The following OPA1 variants were observed in gnomAD, a reference collection of about 807,000 sequenced individuals.
The protein encoded by OPA1 is OPA1 mitochondrial dynamin like GTPase.
Under a neutral mutation model 152.9 loss-of-function variants are expected in OPA1, and 59 were observed. The ratio of observed to expected loss-of-function variants is 0.39; its 90% CI spans 0.31 to 0.48. The LOEUF (loss-of-function observed/expected upper bound fraction) is 0.48, where lower values mean the gene tolerates loss of function less well. OPA1 is among the 20% of genes least tolerant of loss of function. OPA1 has a pLI of 0.96. For synonymous variants in OPA1, 400 were observed against 389.9 expected (o/e 1.03, Z -0.31); for missense variants, 1,008 against 1,216.8 (o/e 0.83, Z 2.55).
Position 193,681,534 on chromosome 3 carries a change from G to GTA in OPA1, c.2984-10528_2984-10527dup, listed in dbSNP as rs1318009983. ...CAAAGTGCATGCTCAAGGGTTCTAC[G>GTA]TACAGGCAGACCTCATTGTATTGCA... On this transcript the variant is annotated intron_variant, in intron 29 of 30. Transcript: ENST00000361510. Among the ~76,000 whole-genome samples the GTA allele has an allele frequency of 2.0e-5, 3 of 152,144 alleles. No homozygotes were observed. In the East Asian group the frequency reaches 5.8e-4, roughly 29 times the overall value.
At chr3:193,606,182 G>A (rs1319877607) in intron 1 of OPA1, among the ~76,000 whole-genome samples, 3 of 151,636 alleles carry the variant, frequency 2.0e-5, no homozygotes, top group Non-Finnish European at 4.4e-5. Context: ...GACATCTTGG[G>A]GTAAAGAAAT....
chr3:193,653,594 T>C (rs1453600523), intron 21 of OPA1, among the ~76,000 whole-genome samples: 1 of 152,208 alleles, frequency 6.6e-6, no homozygotes, highest in Non-Finnish European at 1.5e-5. Context: ...TAAGATGTCT[T>C]TCAAGGCAGA....
At chr3:193,684,117 G>A (rs1020733847) in intron 29 of OPA1, among the ~76,000 whole-genome samples, 5 of 152,116 alleles carry the variant, frequency 3.3e-5, no homozygotes, top group African/African-American at 1.2e-4. Flanking sequence ...TTCCCTTAAA[G>A]TGGACACTGA....
At chr3:193,617,427 C>G (rs1339600185) in intron 4 of OPA1, 142 bp downstream of exon 4, 1 of 654,132 alleles carries the variant, frequency 1.5e-6, no homozygotes, top group Non-Finnish European at 2.7e-6. Flanking sequence ...AAAAGATAAA[C>G]ACAAAGTTTT....
intron 1 of OPA1, among the ~76,000 whole-genome samples, chr3:193,611,327 G>C (rs968145813): frequency 6.6e-6 from 1 of 152,056 alleles, no homozygotes; most frequent in South Asian, 2.1e-4. Flanking sequence ...GGTTGGGCAC[G>C]ATGGCTCACG....
intron 29 of OPA1, among the ~76,000 whole-genome samples, chr3:193,688,408 TA>T (rs1227160599): frequency 6.7e-6 from 1 of 148,606 alleles, no homozygotes; most frequent in East Asian, 2.0e-4. Context: ...TTAGGAGGTG[TA>T]ACTGTTTTGT....
At chr3:193,637,576 C>T (rs1156284363) in intron 10 of OPA1, among the ~76,000 whole-genome samples, 1 of 151,808 alleles carries the variant, frequency 6.6e-6, no homozygotes, top group Non-Finnish European at 1.5e-5. Flanking sequence ...TATTTAAATA[C>T]TGAACAGTGG....
chr3:193,645,866 C>T (rs1425620818), intron 18 of OPA1, 66 bp downstream of exon 18: 1 of 1,215,854 alleles, frequency 8.2e-7, no homozygotes, highest in Non-Finnish European at 1.2e-6. Flanking sequence ...GAACTGTTTT[C>T]ACTTAAAACA....
At chr3:193,663,966 C>T (rs543258718) in intron 26 of OPA1, among the ~76,000 whole-genome samples, 2 of 152,074 alleles carry the variant, frequency 1.3e-5, no homozygotes, top group African/African-American at 2.4e-5. Flanking sequence ...CACTTTTAAA[C>T]GTTATGTGGC....
At chr3:193,677,490 T>C (rs1719370313) in intron 29 of OPA1, among the ~76,000 whole-genome samples, 1 of 152,122 alleles carries the variant, frequency 6.6e-6, no homozygotes, top group Non-Finnish European at 1.5e-5. Context: ...AAGTAGAATG[T>C]AGTAATTGAA....
intron 19 of OPA1, among the ~76,000 whole-genome samples, chr3:193,647,472 C>A (rs1734848678): frequency 6.6e-6 from 1 of 152,132 alleles, no homozygotes. Context: ...CTAGATTCAC[C>A]CTGTTGAGGA....
chr3:193,673,800 A>G (rs941405575), intron 29 of OPA1, among the ~76,000 whole-genome samples: 4 of 152,262 alleles, frequency 2.6e-5, no homozygotes, highest in African/African-American at 9.6e-5. Flanking sequence ...TACCAATAAA[A>G]TGTGAAAACA....
At chr3:193,662,576 T>A (rs1259245298) in intron 25 of OPA1, among the ~76,000 whole-genome samples, 2 of 152,126 alleles carry the variant, frequency 1.3e-5, no homozygotes, top group East Asian at 3.8e-4. Flanking sequence ...AGTAAATACA[T>A]AACAAGTAGG....
At chr3:193,637,419 T>C in intron 10 of OPA1, 138 bp downstream of exon 10, 1 of 496,866 alleles carries the variant, frequency 2.0e-6, no homozygotes, top group African/African-American at 2.0e-5. Context: ...TATGTAATCT[T>C]ACATGTTCCA....
In OPA1 at chr3:193,648,848, G is replaced by A. The variant is rs902810216; in HGVS notation, c.1989G>A (p.Leu663=). The A allele has an allele frequency of 6.2e-7, 1 of 1,608,946 alleles. No individual in the cohort carries two copies. The highest frequency in any genetic ancestry group is 1.1e-5 in the South Asian group (1 of 90,946). The change falls in exon 21 of 31, where the codon CTG becomes CTA. Residue 663 remains leucine, a synonymous_variant. Coordinates refer to ENST00000361510, the MANE Select transcript of OPA1 (RefSeq NM_130837.3). ...KNEILDEVIS[L]SQVTPKHWEE... is the part of the protein sequence containing the mutation. ...AAATCCTTGATGAAGTTATCAGTCT[G>A]AGCCAGGTTACACCAAAACATTGGT...
intron 21 of OPA1, among the ~76,000 whole-genome samples, chr3:193,652,390 C>CA (rs1350646505): frequency 9.8e-4 from 133 of 135,034 alleles, no homozygotes; most frequent in Non-Finnish European, 1.5e-3. Context: ...TGAAAACAAA[C>CA]AAACAAAAAA....
chr3:193,604,869 A>AAG (rs1553867621), intron 1 of OPA1, among the ~76,000 whole-genome samples: 11 of 145,882 alleles, frequency 7.5e-5, no homozygotes, highest in African/African-American at 2.9e-4. Context: ...TCAAAAAAAA[A>AAG]AAAAAAGAAA....
intron 8 of OPA1, 92 bp from the exon 9 acceptor site, chr3:193,635,326 A>C: frequency 2.7e-6 from 2 of 750,290 alleles, no homozygotes; most frequent in South Asian, 3.1e-5. Context: ...AGGAGATATG[A>C]CTTCAAGATT....
chr3:193,676,078 C>T (rs1363214622), intron 29 of OPA1, among the ~76,000 whole-genome samples: 1 of 152,210 alleles, frequency 6.6e-6, no homozygotes, highest in Non-Finnish European at 1.5e-5. Context: ...ATTGATAGAT[C>T]ACCAATGATT....
Sources: allele counts gnomAD v4.1 joint callset (sites outside exome capture counted in the v4.1 genomes callset), GRCh38; gene constraint gnomAD v4.1.1; transcripts MANE v1.5; gene names NCBI Gene and HGNC (gene_info 2026-07-23, HGNC 2026-07-21).